RASSF3: variants seen among roughly 807,000 people sequenced by gnomAD.
The protein encoded by RASSF3 is Ras association domain family member 3.
A neutral mutation model predicts 19.9 loss-of-function variants in RASSF3; 19 were observed. The ratio of observed to expected loss-of-function variants is 0.96; its 90% CI spans 0.67 to 1.40. The LOEUF (loss-of-function observed/expected upper bound fraction) is 1.40, where lower values mean the gene tolerates loss of function less well. RASSF3 is among the 40% of genes most tolerant of loss of function. The pLI is 0.00. For missense variants in RASSF3, 306 were observed against 289.8 expected (o/e 1.06, Z -0.41); for synonymous variants, 110 against 104.2 (o/e 1.06, Z -0.34).
At chr12:64,568,225 G>T (rs943121588) in intron 2 of RASSF3, among the ~76,000 whole-genome samples, 10 of 151,984 alleles carry the variant, frequency 6.6e-5, no homozygotes, top group Non-Finnish European at 1.3e-4. Context: ...AGAGACAGGG[G>T]TTTCACCATG....
chr12:64,651,598 G>A (rs1184898832), intron 1 of RASSF3, among the ~76,000 whole-genome samples: 2 of 152,092 alleles, frequency 1.3e-5, no homozygotes, highest in Non-Finnish European at 2.9e-5. Flanking sequence ...GACCTCAAGT[G>A]ATTCACCCTC....
chr12:64,573,007 T>A (rs766605384), intron 2 of RASSF3, among the ~76,000 whole-genome samples: 31 of 152,208 alleles, frequency 2.0e-4, no homozygotes, highest in Non-Finnish European at 3.8e-4. Context: ...AGCACTGGGA[T>A]TATAAGCATG....
chr12:64,545,736 T>C (rs1026025335), downstream of RASSF3, among the ~76,000 whole-genome samples: 1 of 152,266 alleles, frequency 6.6e-6, no homozygotes, highest in South Asian at 2.1e-4. Context: ...GAGACCAGCC[T>C]CGCAATGTAG....
At chr12:64,513,662 G>A (rs1868342402) in intron 1 of RASSF3, among the ~76,000 whole-genome samples, 1 of 152,008 alleles carries the variant, frequency 6.6e-6, no homozygotes, top group South Asian at 2.1e-4. Context: ...CATTATTACT[G>A]AGGCAAGGTT....
At chr12:64,508,886 CAA>C (rs781353960) in intron 1 of RASSF3, among the ~76,000 whole-genome samples, 1 of 150,602 alleles carries the variant, frequency 6.6e-6, no homozygotes, top group Non-Finnish European at 1.5e-5. Context: ...AACTCCGTCT[CAA>C]AAAACAAAAA....
At chr12:64,542,386 A>G (rs1868948812), downstream of RASSF3, among the ~76,000 whole-genome samples, 1 of 152,178 alleles carries the variant, frequency 6.6e-6, no homozygotes, top group African/African-American at 2.4e-5. Context: ...GAAATCTGTC[A>G]GGTTTTACTG....
chr12:64,583,668 T>C, intron 2 of RASSF3, among the ~76,000 whole-genome samples: 1 of 152,052 alleles, frequency 6.6e-6, no homozygotes, highest in East Asian at 1.9e-4. Flanking sequence ...ATCCACATGA[T>C]TTTTGCTGGC....
intron 2 of RASSF3, among the ~76,000 whole-genome samples, chr12:64,562,953 C>A (rs1869372220): frequency 6.6e-6 from 1 of 151,740 alleles, no homozygotes; most frequent in Non-Finnish European, 1.5e-5. Context: ...TCTTACACCC[C>A]AAATCCAATC....
At chr12:64,620,170 C>G (rs1216116612) in intron 1 of RASSF3, among the ~76,000 whole-genome samples, 1 of 151,944 alleles carries the variant, frequency 6.6e-6, no homozygotes, top group African/African-American at 2.4e-5. Flanking sequence ...TCTGACTAGT[C>G]TAGATAAGTG....
chr12:64,571,916 C>A (rs1364923633), intron 2 of RASSF3, among the ~76,000 whole-genome samples: 1 of 152,154 alleles, frequency 6.6e-6, no homozygotes, highest in Non-Finnish European at 1.5e-5. Flanking sequence ...TCTGCTGGTG[C>A]CAGAATCACT....
At chr12:64,657,011 CTT>C (rs566413790) in intron 1 of RASSF3, among the ~76,000 whole-genome samples, 14 of 135,718 alleles carry the variant, frequency 1.0e-4, no homozygotes, top group Admixed American at 1.5e-4. Context: ...AGTATAGTTT[CTT>C]TTTTTTTTTT....
At chr12:64,529,575 C>T (rs530660532), upstream of RASSF3, among the ~76,000 whole-genome samples, 4 of 152,108 alleles carry the variant, frequency 2.6e-5, no homozygotes, top group East Asian at 1.9e-4. Context: ...GCAATGGTGC[C>T]GTCAAGAGGA....
At chr12:64,516,498 A>G (rs1004228881) in intron 1 of RASSF3, among the ~76,000 whole-genome samples, 6 of 150,536 alleles carry the variant, frequency 4.0e-5, no homozygotes, top group Admixed American at 4.0e-4. Context: ...GGGCGCCTGT[A>G]GTCCCAGCTA....
chr12:64,600,033 CAAAAAAAAAAAA>C (rs34515445), intron 2 of RASSF3, among the ~76,000 whole-genome samples: 2 of 63,986 alleles, frequency 3.1e-5, no homozygotes, highest in African/African-American at 6.6e-5. Flanking sequence ...GACTCCATCT[CAAAAAAAAAAAA>C]AAAAAAAAAA....
chr12:64,605,384 G>T (rs1870172589), intron 2 of RASSF3, among the ~76,000 whole-genome samples: 1 of 151,576 alleles, frequency 6.6e-6, no homozygotes, highest in African/African-American at 2.4e-5. Context: ...TTTAAGGTAA[G>T]AAAATGAACT....
rs775213213 is a variant in RASSF3, at chr12:64,694,738, T to C, written c.568-25T>C. On this transcript the variant is annotated intron_variant, in intron 4 of 4. Transcript: ENST00000542104. Reference sequence around the variant, plus strand: ...CTAACTGAGTATTAAACATCTGGCATTTTTCTTTCTGTGTTTCCTGACAGT... The same window carrying C: ...CTAACTGAGTATTAAACATCTGGCACTTTTCTTTCTGTGTTTCCTGACAGT... 12 of 1,613,386 alleles carry C rather than the reference T, an allele frequency of 7.4e-6. No homozygotes were observed. In the Admixed American group the frequency reaches 2.0e-4, roughly 27 times the overall value.
chr12:64,515,835 T>A (rs1868360583), intron 1 of RASSF3, among the ~76,000 whole-genome samples: 1 of 152,154 alleles, frequency 6.6e-6, no homozygotes, highest in African/African-American at 2.4e-5. Flanking sequence ...TAAAAAGTAC[T>A]TATTTAACTA....
At chr12:64,650,185 T>C (rs1317721205) in intron 1 of RASSF3, among the ~76,000 whole-genome samples, 1 of 152,184 alleles carries the variant, frequency 6.6e-6, no homozygotes, top group African/African-American at 2.4e-5. Flanking sequence ...GGATTCACCC[T>C]GTTTGAGCCT....
chr12:64,671,519 G>C (rs909889773), intron 1 of RASSF3, among the ~76,000 whole-genome samples: 1 of 152,210 alleles, frequency 6.6e-6, no homozygotes, highest in Admixed American at 6.5e-5. Context: ...GCAGGAGGAC[G>C]GAGAGGACTT....
Sources: allele counts gnomAD v4.1 joint callset (sites outside exome capture counted in the v4.1 genomes callset), GRCh38; gene constraint gnomAD v4.1.1; transcripts MANE v1.5; gene names NCBI Gene and HGNC (gene_info 2026-07-23, HGNC 2026-07-21).